MAOB: variants seen among roughly 807,000 people sequenced by gnomAD.
MAOB encodes amine oxidase [flavin-containing] B.
In MAOB, 15 loss-of-function variants were observed where a neutral mutation model predicts 41.9. That is an observed-to-expected ratio of 0.36 (90% CI 0.24 to 0.55). The LOEUF is 0.55. Among genes scored for constraint, MAOB ranks in the 20% least tolerant of loss-of-function variants. MAOB has a pLI of 0.86. For synonymous variants in MAOB, 167 were observed against 144.2 expected (o/e 1.16, Z -1.13); for missense variants, 345 against 398.7 (o/e 0.87, Z 1.15).
At chrX:43,871,028 T>C (rs1339109433) in intron 1 of MAOB, among the ~76,000 whole-genome samples, 1 of 110,755 alleles carries the variant, frequency 9.0e-6, no homozygotes, top group East Asian at 2.9e-4. Flanking sequence ...GTTCAACATG[T>C]ATGAAGAAAG....
At chrX:43,781,899 C>A (rs753154930) in intron 8 of MAOB, among the ~76,000 whole-genome samples, 1 of 111,786 alleles carries the variant, frequency 8.9e-6, no homozygotes, top group African/African-American at 3.2e-5. Context: ...AAAGGAAATA[C>A]CAGTTCATTA....
intron 1 of MAOB, among the ~76,000 whole-genome samples, chrX:43,861,896 A>C (rs1237992159): frequency 9.3e-6 from 1 of 107,934 alleles, no homozygotes; most frequent in African/African-American, 3.4e-5. Context: ...TCTATTTTTA[A>C]GTACTTTGAA....
chrX:43,812,974 C>A (rs938189430), intron 3 of MAOB, among the ~76,000 whole-genome samples: 2 of 112,270 alleles, frequency 1.8e-5, no homozygotes, highest in Non-Finnish European at 3.8e-5. Flanking sequence ...TGAGTGCTTA[C>A]TCTCTTCAGG....
intron 3 of MAOB, among the ~76,000 whole-genome samples, chrX:43,838,419 A>C (rs1394476258): frequency 1.8e-5 from 2 of 112,030 alleles, no homozygotes; most frequent in East Asian, 5.6e-4. Context: ...TCAATCTCCA[A>C]AGAAGAATAA....
intron 3 of MAOB, among the ~76,000 whole-genome samples, chrX:43,828,985 C>T (rs1367578838): frequency 9.0e-6 from 1 of 111,517 alleles, no homozygotes; most frequent in Non-Finnish European, 1.9e-5. Context: ...ACAGAATTTC[C>T]AGGAGCCACC....
chrX:43,835,455 C>T (rs749767332), intron 3 of MAOB, among the ~76,000 whole-genome samples: 27 of 112,024 alleles, frequency 2.4e-4, no homozygotes, highest in Non-Finnish European at 4.7e-4. Context: ...TGAGCTGAAG[C>T]GATCCCTTTC....
intron 3 of MAOB, among the ~76,000 whole-genome samples, chrX:43,821,635 A>G: frequency 9.0e-6 from 1 of 111,437 alleles, no homozygotes; most frequent in East Asian, 2.8e-4. Flanking sequence ...AAAATAAAAG[A>G]TTTTTCTCAA....
intron 5 of MAOB, among the ~76,000 whole-genome samples, chrX:43,799,097 A>G (rs1479092225): frequency 9.0e-6 from 1 of 111,710 alleles, no homozygotes; most frequent in Non-Finnish European, 1.9e-5. Flanking sequence ...CATGCCTAAC[A>G]CACATACCAA....
At chrX:43,876,651 T>C (rs1422536121) in intron 1 of MAOB, among the ~76,000 whole-genome samples, 1 of 112,365 alleles carries the variant, frequency 8.9e-6, no homozygotes, top group East Asian at 2.8e-4. Flanking sequence ...TATACAAATG[T>C]TTTGCATTTA....
chrX:43,853,272 A>G (rs1465600428), intron 1 of MAOB, among the ~76,000 whole-genome samples: 3 of 107,374 alleles, frequency 2.8e-5, no homozygotes, highest in Non-Finnish European at 1.9e-5. Context: ...CGTCTCAAAA[A>G]AAAAAAAAAA....
intron 11 of MAOB, among the ~76,000 whole-genome samples, chrX:43,776,695 G>T (rs1347535306): frequency 9.1e-6 from 1 of 109,335 alleles, no homozygotes; most frequent in African/African-American, 3.3e-5. Context: ...GTGCCATGTT[G>T]GTGTGCTGCA....
chrX:43,793,303 T>C lies in MAOB; in HGVS notation c.928+116A>G, dbSNP rs756313258. On this transcript the variant is annotated intron_variant, in intron 8 of 14. Coordinates refer to ENST00000378069, the MANE Select transcript of MAOB (RefSeq NM_000898.5). ...TCATGCAACATATCCATGTAACAAA[T>C]CTGCACATGTACCCCTGAATCTAAA... 9.6e-5 allele frequency: 50 copies of C among 521,770 alleles called. No individual in the cohort carries two copies. In the African/African-American group the frequency reaches 1.2e-3, roughly 13 times the overall value. The allele number at this position is 521,770 out of a possible 1,213,427, so 43.0% of individuals were successfully genotyped here.
At chrX:43,775,052 GT>G (rs1467433800) in intron 12 of MAOB, 122 bp downstream of exon 12, 1 of 693,790 alleles carries the variant, frequency 1.4e-6, no homozygotes, top group Non-Finnish European at 1.9e-6. Context: ...AGGAAATTGG[GT>G]TGTTTTTTTT....
chrX:43,817,190 G>A (rs1469096534), intron 3 of MAOB, among the ~76,000 whole-genome samples: 1 of 104,494 alleles, frequency 9.6e-6, no homozygotes, highest in Non-Finnish European at 1.9e-5. Context: ...TGACCAAAAC[G>A]ATTCTTTGGG....
chrX:43,853,172 G>C (rs1353789101), intron 1 of MAOB, among the ~76,000 whole-genome samples: 2 of 107,202 alleles, frequency 1.9e-5, no homozygotes, highest in Non-Finnish European at 3.8e-5. Flanking sequence ...GGAGGCTGAG[G>C]CAGGAGAATG....
chrX:43,797,305 G>A lies in MAOB; in HGVS notation c.477-39C>T. ...AACAAGAGCAAACTTGGCAAACGCA[G>A]GAGAGCAGCTTCTTAATTCTCTAAA... is the stretch of plus-strand genomic sequence containing the variant. On this transcript the variant is annotated intron_variant, in intron 5 of 14. Transcript: ENST00000378069. The A allele has an allele frequency of 2.8e-6, 3 of 1,062,298 alleles. No individual in the cohort carries two copies. In the East Asian group the frequency reaches 9.7e-5, roughly 34 times the overall value. The allele number at this position is 1,062,298 out of a possible 1,213,427, so 87.5% of individuals were successfully genotyped here. A position where few individuals can be genotyped will look rare whatever the true frequency, so the allele number is the denominator to read the frequency against.
chrX:43,859,693 C>A (rs1438676737), intron 1 of MAOB, among the ~76,000 whole-genome samples: 1 of 111,741 alleles, frequency 8.9e-6, no homozygotes, highest in Non-Finnish European at 1.9e-5. Flanking sequence ...CCTATCAGGG[C>A]TTCGATCCTC....
intron 3 of MAOB, among the ~76,000 whole-genome samples, chrX:43,817,848 T>A (rs980274161): frequency 3.6e-5 from 4 of 112,307 alleles, no homozygotes; most frequent in African/African-American, 9.7e-5. Context: ...CGTCAACCTT[T>A]ATTATTCTTC....
At chrX:43,768,834 G>T in intron 13 of MAOB, 118 bp from the exon 14 acceptor site, 1 of 597,656 alleles carries the variant, frequency 1.7e-6, no homozygotes, top group South Asian at 2.7e-5. Context: ...CCAAGGTAAA[G>T]GCCAGAACAC....
Sources: allele counts gnomAD v4.1 joint callset (sites outside exome capture counted in the v4.1 genomes callset), GRCh38; gene constraint gnomAD v4.1.1; transcripts MANE v1.5; gene names NCBI Gene and HGNC (gene_info 2026-07-23, HGNC 2026-07-21).